MAGT1: variants seen among roughly 807,000 people sequenced by gnomAD.
MAGT1 encodes magnesium transporter 1.
In MAGT1, 4 loss-of-function variants were observed where a neutral mutation model predicts 28.4. The observed-to-expected ratio is 0.14, with a 90% CI of 0.07 to 0.32. The LOEUF is 0.32. Among genes scored for constraint, MAGT1 ranks in the 10% least tolerant of loss-of-function variants. MAGT1 has a pLI of 1.00. For missense variants in MAGT1, 193 were observed against 264.5 expected (o/e 0.73, Z 1.88); for synonymous variants, 89 against 89.7 (o/e 0.99, Z 0.04).
intron 3 of MAGT1, among the ~76,000 whole-genome samples, chrX:77,867,336 C>A (rs1195456785): frequency 6.0e-5 from 4 of 66,484 alleles, no homozygotes; most frequent in African/African-American, 1.4e-4. Context: ...TTGTTGTTTT[C>A]TTAAGAGTTG....
intron 3 of MAGT1, among the ~76,000 whole-genome samples, chrX:77,863,852 T>A (rs1479045357): frequency 1.8e-5 from 2 of 110,703 alleles, no homozygotes; most frequent in Non-Finnish European, 3.8e-5. Flanking sequence ...TGAAACCCCA[T>A]CTCTACTAAA....
intron 1 of MAGT1, 48 bp downstream of exon 1, chrX:77,895,261 G>T: frequency 8.5e-7 from 1 of 1,180,660 alleles, no homozygotes; most frequent in Non-Finnish European, 1.2e-6. Flanking sequence ...ACCCTCTTAA[G>T]CCCCAGTCAT....
chrX:77,851,896 C>G (rs989235433), intron 7 of MAGT1, among the ~76,000 whole-genome samples: 1 of 109,999 alleles, frequency 9.1e-6, no homozygotes, highest in African/African-American at 3.3e-5. Flanking sequence ...AGTCTTCCCC[C>G]GCCCCGCCGC....
intron 7 of MAGT1, among the ~76,000 whole-genome samples, chrX:77,845,430 G>C (rs1488164181): frequency 9.0e-6 from 1 of 111,392 alleles, no homozygotes; most frequent in African/African-American, 3.3e-5. Flanking sequence ...GGAGCATTTA[G>C]CCCACTTACA....
At chrX:77,853,407 T>C (rs2076973433) in intron 7 of MAGT1, among the ~76,000 whole-genome samples, 1 of 112,111 alleles carries the variant, frequency 8.9e-6, no homozygotes, top group African/African-American at 3.2e-5. Context: ...AGCCTCAATT[T>C]ACAACCAAGG....
Position 77,870,917 on chromosome X carries a change from T to A in MAGT1, c.281A>T (p.Asp94Val). Residue 94 changes from aspartate to valine, a missense_variant, in exon 3 of 10, where the codon GAT (aspartate) becomes GTT (valine). Coordinates refer to ENST00000618282, the MANE Select transcript of MAGT1 (RefSeq NM_001367916.1). ...GTTTGCCAGGATCTGGAATTCTTCATCAGCTTGCCTGGATGCAATGAGATT... is the reference window on the plus strand; with the variant it reads ...GTTTGCCAGGATCTGGAATTCTTCAACAGCTTGCCTGGATGCAATGAGATT... ...HRQCVVCKQA[D>V]EEFQILANSW... The A allele has an allele frequency of 8.4e-7, 1 of 1,186,210 alleles. No homozygotes were observed. The highest frequency in any genetic ancestry group is 1.1e-6 in the Non-Finnish European group (1 of 872,184).
intron 7 of MAGT1, among the ~76,000 whole-genome samples, chrX:77,849,951 T>C (rs1305203933): frequency 1.8e-5 from 2 of 110,585 alleles, no homozygotes; most frequent in Admixed American, 9.7e-5. Context: ...TAAACTTTTC[T>C]GCATAACTGC....
intron 1 of MAGT1, among the ~76,000 whole-genome samples, chrX:77,889,943 C>T (rs1460948668): frequency 2.7e-5 from 3 of 112,111 alleles, no homozygotes; most frequent in Non-Finnish European, 5.6e-5. Flanking sequence ...ACCACCACCC[C>T]CAGCTTCTGG....
At position 77,854,238 on chromosome X, in the gene MAGT1, G is replaced by T. The variant is rs782436131; in HGVS notation, c.763-274C>A. Among the ~76,000 whole-genome samples, 14 of 111,730 alleles carry T rather than the reference G, an allele frequency of 1.3e-4. No individual in the cohort carries two copies. In the South Asian group the frequency reaches 5.3e-3, roughly 42 times the overall value. ...TGCCCAGGCTGGAGTGCAGCGGCAT[G>T]ATCATAGCTCATTGCAATCCCAAAG... On this transcript the variant is annotated intron_variant, in intron 6 of 9. Coordinates refer to ENST00000618282, the MANE Select transcript of MAGT1 (RefSeq NM_001367916.1).
intron 8 of MAGT1, chrX:77,837,312 A>G (rs2076921722): frequency 8.9e-6 from 1 of 112,088 alleles, no homozygotes; most frequent in African/African-American, 3.2e-5. Context: ...CAGCATATAT[A>G]CTAAAACTGG....
intron 8 of MAGT1, among the ~76,000 whole-genome samples, chrX:77,833,202 C>A (rs1466655872): frequency 4.5e-5 from 5 of 112,162 alleles, no homozygotes; most frequent in African/African-American, 1.6e-4. Flanking sequence ...CTTTGGCCAA[C>A]AACTGTTCGA....
chrX:77,846,417 C>T (rs1046858100), intron 7 of MAGT1, among the ~76,000 whole-genome samples: 1 of 112,187 alleles, frequency 8.9e-6, no homozygotes, highest in Admixed American at 9.6e-5. Flanking sequence ...TCATCTGAAG[C>T]CTTCTTCTCT....
chrX:77,890,108 T>C (rs1204428261), intron 1 of MAGT1, among the ~76,000 whole-genome samples: 1 of 112,487 alleles, frequency 8.9e-6, no homozygotes, highest in Non-Finnish European at 1.9e-5. Context: ...AATGATAGGA[T>C]CTCATTCTTT....
intron 1 of MAGT1, among the ~76,000 whole-genome samples, chrX:77,881,534 G>A (rs1023761922): frequency 9.3e-6 from 1 of 107,315 alleles, no homozygotes; most frequent in Admixed American, 1.0e-4. Flanking sequence ...TTGTCCTTGC[G>A]ATAGTTTGCT....
rs2077039917 is a variant in MAGT1 at position 77,877,832 on chromosome X, TAAAATA to T, written c.103-2241_103-2236del. On this transcript the variant is annotated intron_variant, in intron 1 of 9. Transcript: ENST00000618282. ...TGTCTCAAAATAAAATAAAATAAAA[TAAAATA>T]AAATAAAATAAAATAAAATAAAATA... Among the ~76,000 whole-genome samples, 8 of 99,608 alleles carry T rather than the reference TAAAATA, an allele frequency of 8.0e-5. No individual in the cohort carries two copies. The Admixed American group carries it at 9.1e-4, about 11-fold the overall frequency. 86.5% of individuals were successfully genotyped at this position (99,608 alleles called of 115,157 possible). A position where few individuals can be genotyped will look rare whatever the true frequency, so the allele number is the denominator to read the frequency against.
At chrX:77,841,833 G>A (rs893394463) in intron 7 of MAGT1, among the ~76,000 whole-genome samples, 32 of 101,562 alleles carry the variant, frequency 3.2e-4, no homozygotes, top group Non-Finnish European at 5.6e-4. Flanking sequence ...TCACCACCAC[G>A]CCCAGTTAAA....
intron 1 of MAGT1, among the ~76,000 whole-genome samples, chrX:77,883,900 A>C: frequency 9.0e-6 from 1 of 111,408 alleles, no homozygotes; most frequent in East Asian, 2.8e-4. Flanking sequence ...AACTAGTTTT[A>C]AACTTTTACA....
At chrX:77,875,686 T>G in intron 1 of MAGT1, 89 bp from the exon 2 acceptor site, 1 of 956,140 alleles carries the variant, frequency 1.0e-6, no homozygotes, top group Non-Finnish European at 1.5e-6. Flanking sequence ...AAACCAATAC[T>G]AACAAGCAGA....
chrX:77,881,192 A>G (rs942583722), intron 1 of MAGT1, among the ~76,000 whole-genome samples: 25 of 110,880 alleles, frequency 2.3e-4, no homozygotes, highest in Non-Finnish European at 3.8e-5. Context: ...CACAGAAAAT[A>G]TGGGTTCACA....
Sources: gnomAD v4.1 joint callset for allele counts (sites outside exome capture counted in the v4.1 genomes callset) on GRCh38, gnomAD v4.1.1 for gene constraint, MANE v1.5 for transcripts, NCBI Gene and HGNC (gene_info 2026-07-23, HGNC 2026-07-21) for gene names.